Variants in NCAM2 observed in about 807,000 individuals in gnomAD.
The protein encoded by NCAM2 is neural cell adhesion molecule 2.
In NCAM2, 30 loss-of-function variants were observed where a neutral mutation model predicts 98.1. The observed-to-expected ratio is 0.31, with a 90% CI of 0.23 to 0.41. The LOEUF (loss-of-function observed/expected upper bound fraction) is 0.41. NCAM2 is among the 10% of genes least tolerant of loss of function. NCAM2 has a pLI of 1.00. For synonymous variants in NCAM2, 368 were observed against 342.4 expected, an observed-to-expected ratio of 1.07 and a Z score of -0.83; for missense variants, 867 against 1,005.8, an observed-to-expected ratio of 0.86 and a Z score of 1.87.
chr21:21,338,617 C>T (rs1338333311), intron 8 of NCAM2, 83 bp downstream of exon 8: 15 of 1,290,824 alleles, frequency 1.2e-5, no homozygotes. Context: ...AATTAGTCTC[C>T]AATTTACCTA....
chr21:21,062,566 C>G (rs1276311771), intron 1 of NCAM2, among the ~76,000 whole-genome samples: 1 of 152,068 alleles, frequency 6.6e-6, no homozygotes, highest in East Asian at 1.9e-4. Context: ...CTAACGCTAC[C>G]GATATCTTGA....
intron 5 of NCAM2, among the ~76,000 whole-genome samples, chr21:21,296,996 A>G (rs1035276841): frequency 6.6e-6 from 1 of 151,814 alleles, no homozygotes; most frequent in Non-Finnish European, 1.5e-5. Flanking sequence ...TGAAGCATAA[A>G]GGTACACATA....
At chr21:21,142,528 G>A (rs181262609) in intron 1 of NCAM2, among the ~76,000 whole-genome samples, 411 of 145,278 alleles carry the variant, frequency 2.8e-3, no homozygotes, top group African/African-American at 3.8e-3. Context: ...ACAGGCGTCC[G>A]CCACCAGGCC....
At chr21:21,228,292 A>G (rs1487355760) in intron 1 of NCAM2, among the ~76,000 whole-genome samples, 1 of 151,608 alleles carries the variant, frequency 6.6e-6, no homozygotes, top group Non-Finnish European at 1.5e-5. Flanking sequence ...GGAAATAGAA[A>G]GTCATACAAT....
intron 12 of NCAM2, among the ~76,000 whole-genome samples, chr21:21,451,411 C>A (rs978413820): frequency 7.9e-5 from 12 of 152,084 alleles, no homozygotes; most frequent in African/African-American, 2.9e-4. Context: ...GTTAGCTGTT[C>A]TTCAATATTA....
intron 8 of NCAM2, among the ~76,000 whole-genome samples, chr21:21,355,739 C>T (rs1052568261): frequency 2.0e-5 from 3 of 151,656 alleles, no homozygotes; most frequent in Admixed American, 1.3e-4. Context: ...ACATAGCCTC[C>T]GGAGTAGCTG....
At chr21:21,351,132 A>AG (rs953318593) in intron 8 of NCAM2, among the ~76,000 whole-genome samples, 11 of 150,214 alleles carry the variant, frequency 7.3e-5, no homozygotes, top group Non-Finnish European at 1.2e-4. Flanking sequence ...AAAAAAAAAA[A>AG]AAAAAAAAAA....
intron 8 of NCAM2, among the ~76,000 whole-genome samples, chr21:21,359,507 C>T (rs1334419112): frequency 6.6e-6 from 1 of 151,772 alleles, no homozygotes; most frequent in Non-Finnish European, 1.5e-5. Flanking sequence ...TTTTTAAAAG[C>T]ATCATTTACT....
At chr21:21,068,663 T>G (rs2065494342) in intron 1 of NCAM2, among the ~76,000 whole-genome samples, 1 of 152,128 alleles carries the variant, frequency 6.6e-6, no homozygotes, top group Middle Eastern at 3.2e-3. Flanking sequence ...TTTCACCATG[T>G]TGGTCAGGCT....
chr21:21,151,705 C>T (rs1373985341), intron 1 of NCAM2, among the ~76,000 whole-genome samples: 2 of 151,938 alleles, frequency 1.3e-5, no homozygotes, highest in East Asian at 3.9e-4. Context: ...AAACTTGGGT[C>T]CTGATACTAA....
At chr21:21,421,903 A>G (rs2145974266) in intron 11 of NCAM2, among the ~76,000 whole-genome samples, 1 of 152,276 alleles carries the variant, frequency 6.6e-6, no homozygotes, top group East Asian at 1.9e-4. Flanking sequence ...GCATTCAGAA[A>G]CATTTTTTCC....
At chr21:21,466,849 T>G in intron 13 of NCAM2, 124 bp downstream of exon 13, 2 of 1,046,404 alleles carry the variant, frequency 1.9e-6, no homozygotes, top group Non-Finnish European at 2.7e-6. Flanking sequence ...TTTGGTGAAG[T>G]GGTTTCTGAA....
chr21:21,473,177 G>T (rs950669216), intron 14 of NCAM2, among the ~76,000 whole-genome samples: 12 of 151,098 alleles, frequency 7.9e-5, no homozygotes, highest in Non-Finnish European at 1.6e-4. Flanking sequence ...ACCCAGGACA[G>T]CTCTGAAGGA....
At chr21:21,157,982 C>T (rs570501560) in intron 1 of NCAM2, among the ~76,000 whole-genome samples, 1 of 152,218 alleles carries the variant, frequency 6.6e-6, no homozygotes, top group African/African-American at 2.4e-5. Context: ...ATTCTGGACT[C>T]TGAAGTCAGC....
chr21:21,471,165 T>C (rs1302593695), intron 14 of NCAM2, among the ~76,000 whole-genome samples: 1 of 152,018 alleles, frequency 6.6e-6, no homozygotes, highest in Non-Finnish European at 1.5e-5. Context: ...CCAGCTCTTG[T>C]GCCTTCGGAT....
At chr21:21,230,944 A>G (rs553645218) in intron 1 of NCAM2, among the ~76,000 whole-genome samples, 1 of 151,452 alleles carries the variant, frequency 6.6e-6, no homozygotes, top group East Asian at 1.9e-4. Flanking sequence ...AGAAAGAGAT[A>G]ATGAGAGATA....
intron 8 of NCAM2, among the ~76,000 whole-genome samples, chr21:21,351,821 A>T (rs1297194018): frequency 6.6e-6 from 1 of 152,164 alleles, no homozygotes; most frequent in Non-Finnish European, 1.5e-5. Context: ...ATCTCGGCTC[A>T]CTGGAACCTC....
Position 21,099,370 on chromosome 21 carries a change from A to T in NCAM2, c.55+100752A>T, listed in dbSNP as rs192938960. On this transcript the variant is annotated intron_variant, in intron 1 of 17. Coordinates refer to ENST00000400546, the MANE Select transcript of NCAM2 (RefSeq NM_004540.5). ...ACGCTGCTATAAAGAACTGCCTGAG[A>T]CTAGGTAATTTATAAGGAAGAGAGG... Among the ~76,000 whole-genome samples the T allele has an allele frequency of 2.0e-5, 3 of 151,976 alleles. No individual in the cohort carries two copies. The East Asian group carries it at 5.8e-4, about 29-fold the overall frequency.
intron 1 of NCAM2, among the ~76,000 whole-genome samples, chr21:21,161,914 A>G (rs1216552973): frequency 6.6e-6 from 1 of 152,068 alleles, no homozygotes; most frequent in African/African-American, 2.4e-5. Context: ...AGTTTAGGTA[A>G]TTTTGGAATA....
Sources: gnomAD v4.1 joint callset for allele counts (sites outside exome capture counted in the v4.1 genomes callset) on GRCh38, gnomAD v4.1.1 for gene constraint, MANE v1.5 for transcripts, NCBI Gene and HGNC (gene_info 2026-07-23, HGNC 2026-07-21) for gene names.